INSL6: variants seen among roughly 807,000 people sequenced by gnomAD.
INSL6 encodes insulin like 6.
INSL6 carries 16 observed loss-of-function variants against 9.4 expected under a neutral mutation model. The ratio of observed to expected loss-of-function variants is 1.70; its 90% CI spans 1.15 to 2.59. The LOEUF (loss-of-function observed/expected upper bound fraction) is 2.59. Ranked by LOEUF, INSL6 falls within the 30% of genes most tolerant of loss-of-function variation. INSL6 has a pLI of 0.00. For missense variants in INSL6, 391 were observed against 257.3 expected (o/e 1.52, Z -3.56); for synonymous variants, 154 against 96.9 (o/e 1.59, Z -3.46).
the INSL6 span, among the ~76,000 whole-genome samples, chr9:5,032,327 G>T: frequency 4.6e-3 from 706 of 152,348 alleles, 6 homozygotes; most frequent in African/African-American, 0.016. Flanking sequence ...TGGGGGCAGG[G>T]CATAGCCAAA....
At chr9:5,017,358 C>G in the INSL6 span, among the ~76,000 whole-genome samples, 1 of 152,176 alleles carries the variant, frequency 6.6e-6, no homozygotes, top group Admixed American at 6.6e-5. Flanking sequence ...TGGGCACAAA[C>G]TGATAAAATT....
chr9:5,142,643 T>C (rs1434662994), intron 2 of INSL6, among the ~76,000 whole-genome samples: 1 of 152,234 alleles, frequency 6.6e-6, no homozygotes, highest in African/African-American at 2.4e-5. Flanking sequence ...TCGTGTCATC[T>C]ACAAACAAAG....
chr9:5,107,652 A>G, the INSL6 span, among the ~76,000 whole-genome samples: 1 of 152,198 alleles, frequency 6.6e-6, no homozygotes, highest in Non-Finnish European at 1.5e-5. Flanking sequence ...CTCTATTTAC[A>G]TCAACATTAT....
At chr9:5,038,613 TG>T in the INSL6 span, among the ~76,000 whole-genome samples, 8 of 129,012 alleles carry the variant, frequency 6.2e-5, no homozygotes, top group African/African-American at 2.1e-4. Flanking sequence ...TTTTTTTTTT[TG>T]GATTTTAGAA....
At chr9:5,131,535 T>C (rs1213899347) in intron 3 of INSL6, among the ~76,000 whole-genome samples, 1 of 149,380 alleles carries the variant, frequency 6.7e-6, no homozygotes, top group East Asian at 2.0e-4. Flanking sequence ...CCTCCTGGGT[T>C]CAAGTGATTC....
chr9:5,185,250 G>C, intron 1 of INSL6, 64 bp downstream of exon 1: 4 of 1,602,936 alleles, frequency 2.5e-6, no homozygotes, highest in East Asian at 2.2e-5. Flanking sequence ...CCTTCTGGCA[G>C]AGCAAATGCA....
chr9:5,127,055 C>T, intron 3 of INSL6: 2 of 270,782 alleles, frequency 7.4e-6, no homozygotes, highest in Non-Finnish European at 1.4e-5. Context: ...TCACTCTTGT[C>T]TGGCAAAAGA....
chr9:5,176,938 A>G (rs1825321948), intron 1 of INSL6, among the ~76,000 whole-genome samples: 1 of 152,216 alleles, frequency 6.6e-6, no homozygotes, highest in Non-Finnish European at 1.5e-5. Context: ...TAAAGAAAAA[A>G]AAGTATTAAG....
At chr9:5,042,803 G>A in the INSL6 span, among the ~76,000 whole-genome samples, 1 of 152,220 alleles carries the variant, frequency 6.6e-6, no homozygotes, top group African/African-American at 2.4e-5. Context: ...GGGAACGGAG[G>A]GGTGGGGCCG....
At chr9:5,029,613 G>A in the INSL6 span, among the ~76,000 whole-genome samples, 2 of 152,196 alleles carry the variant, frequency 1.3e-5, no homozygotes, top group African/African-American at 4.8e-5. Context: ...AAAAAAGATT[G>A]TGATTAATAA....
At chr9:5,021,191 A>T in the INSL6 span, among the ~76,000 whole-genome samples, 52,592 of 151,870 alleles carry the variant, frequency 0.35, 9,743 homozygotes, top group African/African-American at 0.48. Flanking sequence ...CCTTCCTTGC[A>T]TTAGGTGTTT....
the INSL6 span, chr9:5,080,379 G>T: frequency 6.2e-7 from 1 of 1,610,826 alleles, no homozygotes; most frequent in Non-Finnish European, 8.5e-7. Flanking sequence ...GATTCTCAAA[G>T]AGTAAGTTTA....
chr9:5,120,272 A>G (rs75410559), downstream of INSL6, among the ~76,000 whole-genome samples: 1,002 of 152,314 alleles, frequency 6.6e-3, 8 homozygotes, highest in African/African-American at 0.022. Context: ...ATGAGGGAGA[A>G]GCCCTCATGG....
the INSL6 span, chr9:5,094,872 C>A: frequency 6.6e-6 from 1 of 152,158 alleles, no homozygotes; most frequent in African/African-American, 2.4e-5. Context: ...CTTTTAACCA[C>A]CGTTTTTATG....
At chr9:4,993,417 ATAGCTTATTCTT>A in the INSL6 span, among the ~76,000 whole-genome samples, 1 of 152,216 alleles carries the variant, frequency 6.6e-6, no homozygotes, top group Non-Finnish European at 1.5e-5. Context: ...CAAAAAATGA[ATAGCTTATTCTT>A]TAGTTCATCT....
chr9:4,994,231 T>C, the INSL6 span, among the ~76,000 whole-genome samples: 1 of 152,200 alleles, frequency 6.6e-6, no homozygotes, highest in Non-Finnish European at 1.5e-5. Flanking sequence ...TCAATTAGCC[T>C]ATGGAAAAAT....
the INSL6 span, chr9:5,044,265 AT>A: frequency 1.2e-5 from 7 of 603,594 alleles, no homozygotes; most frequent in Non-Finnish European, 2.0e-5. Flanking sequence ...TTTGTCTCAC[AT>A]TTATATTTAA....
At chr9:5,012,161 C>G in the INSL6 span, among the ~76,000 whole-genome samples, 1 of 152,118 alleles carries the variant, frequency 6.6e-6, no homozygotes, top group Non-Finnish European at 1.5e-5. Context: ...ATACTTTCAC[C>G]CAGTAAGACT....
chr9:5,055,604 A>T, the INSL6 span: 1 of 1,259,012 alleles, frequency 7.9e-7, no homozygotes, highest in Non-Finnish European at 1.1e-6. Flanking sequence ...TGTCTTCTTA[A>T]GTCTTGTTTT....
Sources: gnomAD v4.1 joint callset for allele counts (sites outside exome capture counted in the v4.1 genomes callset) on GRCh38, gnomAD v4.1.1 for gene constraint, MANE v1.5 for transcripts, NCBI Gene and HGNC (gene_info 2026-07-23, HGNC 2026-07-21) for gene names.